STRN3: variants seen among roughly 807,000 people sequenced by gnomAD.
STRN3 encodes the protein striatin-3.
STRN3 carries 29 observed loss-of-function variants against 95.6 expected under a neutral mutation model. The observed-to-expected ratio is 0.30, with a 90% CI of 0.23 to 0.41. The LOEUF (loss-of-function observed/expected upper bound fraction) is 0.41. STRN3 is among the 10% of genes least tolerant of loss of function. STRN3 has a pLI of 1.00. For synonymous variants in STRN3, 331 were observed against 357.6 expected (o/e 0.93, Z 0.84); for missense variants, 890 against 972.1 (o/e 0.92, Z 1.12).
intron 1 of STRN3, among the ~76,000 whole-genome samples, chr14:30,971,700 G>A: frequency 6.6e-6 from 1 of 152,116 alleles, no homozygotes; most frequent in East Asian, 1.9e-4. Flanking sequence ...AGCACTGCAA[G>A]GTCTCACTGC....
At chr14:30,941,780 C>T (rs1375236766) in intron 5 of STRN3, among the ~76,000 whole-genome samples, 1 of 152,120 alleles carries the variant, frequency 6.6e-6, no homozygotes, top group Non-Finnish European at 1.5e-5. Flanking sequence ...CGCCTGCCAC[C>T]ATGCCCAGCT....
At chr14:31,006,043 T>A (rs1398255912) in intron 1 of STRN3, among the ~76,000 whole-genome samples, 1 of 142,232 alleles carries the variant, frequency 7.0e-6, no homozygotes, top group Non-Finnish European at 1.5e-5. Context: ...CTCTTGAACC[T>A]GGGAGGCAGA....
At chr14:30,918,103 T>C (rs1358117163) in intron 9 of STRN3, among the ~76,000 whole-genome samples, 1 of 152,182 alleles carries the variant, frequency 6.6e-6, no homozygotes, top group Non-Finnish European at 1.5e-5. Context: ...TTTATAAAAT[T>C]CATTACTAGG....
chr14:30,987,423 C>T (rs1002944042), intron 1 of STRN3, among the ~76,000 whole-genome samples: 3 of 151,902 alleles, frequency 2.0e-5, no homozygotes, highest in Admixed American at 1.3e-4. Context: ...AGGAGAATGG[C>T]GTGAACCCAG....
chr14:30,936,165 T>C (rs1443758061), intron 6 of STRN3, among the ~76,000 whole-genome samples: 2 of 152,246 alleles, frequency 1.3e-5, no homozygotes, highest in South Asian at 2.1e-4. Context: ...TTCAGTTAAT[T>C]TATCACTGGT....
chr14:30,926,903 G>GA (rs1380404389), intron 8 of STRN3, among the ~76,000 whole-genome samples: 3 of 151,606 alleles, frequency 2.0e-5, no homozygotes, highest in Non-Finnish European at 4.4e-5. Flanking sequence ...TTAGAAAGAA[G>GA]AAAAAATACA....
chr14:30,946,869 C>CTTGGGAGGCTGAGG (rs996456125), intron 5 of STRN3, among the ~76,000 whole-genome samples: 3 of 151,272 alleles, frequency 2.0e-5, no homozygotes, highest in Admixed American at 2.0e-4. Context: ...ATCCCAGCTA[C>CTTGGGAGGCTGAGG]TTGGGAGGCT....
At chr14:30,930,054 G>A (rs1878453507) in intron 7 of STRN3, among the ~76,000 whole-genome samples, 2 of 148,562 alleles carry the variant, frequency 1.3e-5, no homozygotes, top group South Asian at 4.2e-4. Context: ...ATGGAGAAGT[G>A]AAAACATACA....
At chr14:31,013,409 TTA>T (rs1346790691) in intron 1 of STRN3, among the ~76,000 whole-genome samples, 2 of 149,778 alleles carry the variant, frequency 1.3e-5, no homozygotes, top group East Asian at 3.9e-4. Flanking sequence ...GAAAAATAGG[TTA>T]TATAGTTTGC....
intron 7 of STRN3, among the ~76,000 whole-genome samples, chr14:30,929,967 A>AACAAACAAAAAAAAAAC (rs1555317335): frequency 1.1e-5 from 1 of 91,122 alleles, no homozygotes; most frequent in East Asian, 3.2e-4. Flanking sequence ...AAAAAAAAAA[A>AACAAACAAAAAAAAAAC]AAAAAAAAAA....
At chr14:30,913,378 G>C (rs1026836838) in intron 10 of STRN3, 146 bp downstream of exon 10, 77 of 947,734 alleles carry the variant, frequency 8.1e-5, no homozygotes, top group Middle Eastern at 3.4e-4. Context: ...AGTTATAAAA[G>C]AAAAACATGT....
chr14:31,010,016 T>C (rs919650294), intron 1 of STRN3, among the ~76,000 whole-genome samples: 5 of 152,260 alleles, frequency 3.3e-5, no homozygotes, highest in African/African-American at 9.6e-5. Context: ...GGCAGGAGGA[T>C]TGCTTGAGCC....
chr14:30,936,785 T>C (rs1009718959), intron 5 of STRN3, among the ~76,000 whole-genome samples, 161 bp from the exon 6 acceptor site: 1 of 152,256 alleles, frequency 6.6e-6, no homozygotes, highest in Admixed American at 6.5e-5. Flanking sequence ...AAGATTTATG[T>C]TCTACAACTG....
chr14:30,958,404 A>G (rs77570435), intron 1 of STRN3, among the ~76,000 whole-genome samples: 5,019 of 152,314 alleles, frequency 0.033, 289 homozygotes, highest in African/African-American at 0.11. Context: ...GAGGAATAAT[A>G]AAAGTTCAGA....
chr14:31,011,214 A>C (rs1344075455), intron 1 of STRN3, among the ~76,000 whole-genome samples: 5 of 152,192 alleles, frequency 3.3e-5, no homozygotes, highest in Non-Finnish European at 5.9e-5. Context: ...CTTTTTCTGC[A>C]TCCGGTGGAC....
At chr14:30,944,041 A>G (rs941130839) in intron 5 of STRN3, among the ~76,000 whole-genome samples, 1 of 152,106 alleles carries the variant, frequency 6.6e-6, no homozygotes, top group Non-Finnish European at 1.5e-5. Context: ...ACGCATGCAC[A>G]CACACTCCAA....
At chr14:30,929,569 C>T (rs1180246426) in intron 7 of STRN3, among the ~76,000 whole-genome samples, 3 of 152,028 alleles carry the variant, frequency 2.0e-5, no homozygotes, top group Non-Finnish European at 4.4e-5. Context: ...GGTTATCATT[C>T]ATTCAATAGA....
intron 1 of STRN3, among the ~76,000 whole-genome samples, chr14:30,982,817 T>C (rs1881476978): frequency 6.6e-6 from 1 of 152,102 alleles, no homozygotes; most frequent in African/African-American, 2.4e-5. Context: ...CCAGATGGAG[T>C]GCAGTGGTGC....
At chr14:30,990,836 A>G (rs9322869) in intron 1 of STRN3, among the ~76,000 whole-genome samples, 96,746 of 151,778 alleles carry the variant, frequency 0.64, 31,779 homozygotes, top group Non-Finnish European at 0.73. Context: ...AATAGTTGTT[A>G]TATTATACTG....
Sources: gnomAD v4.1 joint callset for allele counts (sites outside exome capture counted in the v4.1 genomes callset) on GRCh38, gnomAD v4.1.1 for gene constraint, MANE v1.5 for transcripts, NCBI Gene and HGNC (gene_info 2026-07-23, HGNC 2026-07-21) for gene names.